ERO1B: variants seen among roughly 807,000 people sequenced by gnomAD.
ERO1B encodes ERO1-like protein beta.
ERO1B carries 49 observed loss-of-function variants against 75.3 expected under a neutral mutation model. That is an observed-to-expected ratio of 0.65 (90% CI 0.52 to 0.83). The LOEUF is 0.83. Ranked by LOEUF, ERO1B falls within the 40% of genes least tolerant of loss-of-function variation. The pLI is 0.00. For missense variants in ERO1B, 512 were observed against 560.1 expected (o/e 0.91, Z 0.87); for synonymous variants, 191 against 192.9 (o/e 0.99, Z 0.08).
intron 4 of ERO1B, among the ~76,000 whole-genome samples, chr1:236,251,638 C>T (rs972056220): frequency 1.3e-5 from 2 of 151,986 alleles, no homozygotes. Flanking sequence ...AGGACAAGAA[C>T]AATAATTAAA....
At chr1:236,265,455 ACACT>A (rs900409317) in intron 2 of ERO1B, among the ~76,000 whole-genome samples, 6 of 152,200 alleles carry the variant, frequency 3.9e-5, no homozygotes, top group Non-Finnish European at 8.8e-5. Context: ...ATCATACGTC[ACACT>A]CAATTCATCA....
chr1:236,266,353 C>T (rs1181025043), intron 2 of ERO1B, among the ~76,000 whole-genome samples: 49 of 152,204 alleles, frequency 3.2e-4, no homozygotes, highest in Admixed American at 3.2e-3. Context: ...CCTGTAATCC[C>T]AGCACTTTGG....
intron 5 of ERO1B, among the ~76,000 whole-genome samples, chr1:236,244,466 C>G (rs1466794445): frequency 6.6e-6 from 1 of 152,094 alleles, no homozygotes; most frequent in East Asian, 1.9e-4. Flanking sequence ...CACAGTTGAC[C>G]CAACTGAAAT....
intron 6 of ERO1B, among the ~76,000 whole-genome samples, chr1:236,239,839 A>ATATATATATATATGTGTATATATATG (rs1664644981): frequency 8.7e-6 from 1 of 114,342 alleles, no homozygotes; most frequent in Non-Finnish European, 1.7e-5. Flanking sequence ...ATATATGTGT[A>ATATATATATATATGTGTATATATATG]TATATATATG....
At chr1:236,273,737 T>C (rs1254902692) in intron 1 of ERO1B, among the ~76,000 whole-genome samples, 2 of 146,094 alleles carry the variant, frequency 1.4e-5, no homozygotes, top group African/African-American at 2.6e-5. Flanking sequence ...ACTCAGGGGG[T>C]CGAGGTTGCA....
chr1:236,223,504 A>G lies in ERO1B; in HGVS notation c.1123-1494T>C, dbSNP rs191020529. Among the ~76,000 whole-genome samples, 686 of 152,328 alleles carry G rather than the reference A, an allele frequency of 4.5e-3. 6 individuals carry two copies. Among genetic ancestry groups the G allele is most frequent in the African/African-American group, 0.015 (638 of 41,556 alleles). ...GGAATCAATACCTTGGCAAAGAAAG[A>G]CAATATAAATAGAACACAAAAACTC... is the stretch of plus-strand genomic sequence containing the variant. On this transcript the variant is annotated intron_variant, in intron 13 of 15. Transcript: ENST00000354619.
At chr1:236,241,556 ACAAAT>A (rs72304484) in intron 6 of ERO1B, among the ~76,000 whole-genome samples, 47,978 of 151,568 alleles carry the variant, frequency 0.32, 8,176 homozygotes, top group East Asian at 0.77. Flanking sequence ...ACAAAACAAA[ACAAAT>A]CAAAAACAAA....
At position 236,256,482 on chromosome 1, in the gene ERO1B, C is replaced by T. The variant is rs538988082; in HGVS notation, c.223-2977G>A. ...GGGACAGCACTTCTCATGCCTTCTG[C>T]CTCCATGTGCTCTAGAGACAAACTC... On this transcript the variant is annotated intron_variant, in intron 2 of 15. Coordinates refer to ENST00000354619, the MANE Select transcript of ERO1B (RefSeq NM_019891.4). 3.9e-5 allele frequency among the ~76,000 whole-genome samples: 6 copies of T among 152,282 alleles called. No individual in the cohort carries two copies. In the South Asian group the frequency reaches 1.2e-3, roughly 32 times the overall value.
intron 2 of ERO1B, chr1:236,267,815 G>A (rs1478709751): frequency 6.6e-6 from 1 of 152,186 alleles, no homozygotes; most frequent in Non-Finnish European, 1.5e-5. Context: ...ATCAAGTGAA[G>A]TATCTGTTAA....
chr1:236,252,880 AG>A (rs776914061), intron 3 of ERO1B, among the ~76,000 whole-genome samples: 4 of 152,134 alleles, frequency 2.6e-5, no homozygotes, highest in Non-Finnish European at 5.9e-5. Context: ...TTACTGTTGA[AG>A]AAGAGGAATA....
chr1:236,217,930 C>G lies in ERO1B; in HGVS notation c.*586G>C, dbSNP rs1348023460. On this transcript the variant is annotated 3_prime_UTR_variant, in exon 16 of 16. Transcript: ENST00000354619. ...AATAAAAACCAATGAAATTGAAGTCCTGGGGAATCTTCAGGAATTTCTGTA... is the reference window on the plus strand; with the variant it reads ...AATAAAAACCAATGAAATTGAAGTCGTGGGGAATCTTCAGGAATTTCTGTA... The G allele has an allele frequency of 4.6e-5, 7 of 152,058 alleles. No homozygotes were observed. Among genetic ancestry groups the G allele is most frequent in the African/African-American group, 1.7e-4 (7 of 41,402 alleles). 9.4% of individuals were successfully genotyped at this position (152,058 alleles called of 1,614,324 possible). A position where few individuals can be genotyped will look rare whatever the true frequency, so the allele number is the denominator to read the frequency against.
At chr1:236,224,941 T>C (rs1664240648) in intron 13 of ERO1B, 129 bp downstream of exon 13, 11 of 814,702 alleles carry the variant, frequency 1.4e-5, no homozygotes, top group Admixed American at 1.1e-4. Flanking sequence ...ACCATTTGTA[T>C]TAAAATCCAA....
At chr1:236,236,865 C>T (rs1327814701) in intron 6 of ERO1B, among the ~76,000 whole-genome samples, 1 of 152,134 alleles carries the variant, frequency 6.6e-6, no homozygotes, top group African/African-American at 2.4e-5. Context: ...TCTGCTTGGA[C>T]TCATGAAGTA....
chr1:236,240,830 G>C (rs1050920016), intron 6 of ERO1B, among the ~76,000 whole-genome samples: 5 of 151,984 alleles, frequency 3.3e-5, no homozygotes, highest in Non-Finnish European at 5.9e-5. Context: ...CTGTCAGACA[G>C]TTGTTAGTGC....
intron 3 of ERO1B, 58 bp downstream of exon 3, chr1:236,253,364 T>G: frequency 9.9e-7 from 1 of 1,014,016 alleles, no homozygotes; most frequent in Non-Finnish European, 1.5e-6. Context: ...ATAGAGGTTA[T>G]GCTTTTCTAA....
At chr1:236,270,029 T>C in intron 1 of ERO1B, 35 bp from the exon 2 acceptor site, 1 of 1,446,188 alleles carries the variant, frequency 6.9e-7, no homozygotes, top group Non-Finnish European at 9.4e-7. Flanking sequence ...TGTAAACTAC[T>C]GATGTTTCAA....
chr1:236,232,797 C>A, intron 9 of ERO1B, 31 bp downstream of exon 9: 1 of 1,589,174 alleles, frequency 6.3e-7, no homozygotes, highest in Admixed American at 1.7e-5. Context: ...TTCCTCCACA[C>A]TTGAAACAAA....
intron 2 of ERO1B, among the ~76,000 whole-genome samples, chr1:236,264,224 C>A (rs977936143): frequency 6.6e-6 from 1 of 152,056 alleles, no homozygotes; most frequent in Non-Finnish European, 1.5e-5. Context: ...CCTCTGCCTG[C>A]CCCCCAACCA....
intron 2 of ERO1B, among the ~76,000 whole-genome samples, chr1:236,257,179 A>C (rs1311399134): frequency 5.3e-5 from 8 of 152,354 alleles, no homozygotes; most frequent in Non-Finnish European, 1.2e-4. Flanking sequence ...CAGGCTGGAC[A>C]AGCACAAAGT....
Sources: allele counts gnomAD v4.1 joint callset (sites outside exome capture counted in the v4.1 genomes callset), GRCh38; gene constraint gnomAD v4.1.1; transcripts MANE v1.5; gene names NCBI Gene and HGNC (gene_info 2026-07-23, HGNC 2026-07-21).